CHRM3: variants seen among roughly 807,000 people sequenced by gnomAD.
CHRM3 encodes the protein muscarinic acetylcholine receptor M3.
CHRM3 carries 11 observed loss-of-function variants against 41.8 expected under a neutral mutation model. That is an observed-to-expected ratio of 0.26 (90% CI 0.17 to 0.44). The LOEUF (loss-of-function observed/expected upper bound fraction) is 0.44. CHRM3 is among the 20% of genes least tolerant of loss of function. The pLI, the probability that CHRM3 is intolerant of heterozygous loss-of-function variation, is 1.00. For missense variants in CHRM3, 571 were observed against 745.4 expected, an observed-to-expected ratio of 0.77 and a Z score of 2.72; for synonymous variants, 297 against 301.4, an observed-to-expected ratio of 0.99 and a Z score of 0.15.
chr1:239,424,691 G>C (rs1258163667), intron 1 of CHRM3, among the ~76,000 whole-genome samples: 1 of 152,198 alleles, frequency 6.6e-6, no homozygotes, highest in African/African-American at 2.4e-5. Context: ...GAAATTAGTG[G>C]AGAGCATTTC....
intron 5 of CHRM3, among the ~76,000 whole-genome samples, chr1:239,734,962 CATAGCATGTATTCATTTGAAAT>C (rs1278646269): frequency 6.6e-6 from 1 of 152,054 alleles, no homozygotes; most frequent in Admixed American, 6.6e-5. Context: ...CTTCCTATTC[CATAGCATGTATTCATTTGAAAT>C]ATAGGGCATT....
At chr1:239,407,419 G>T (rs10925878) in intron 1 of CHRM3, among the ~76,000 whole-genome samples, 88,494 of 122,258 alleles carry the variant, frequency 0.72, 28,985 homozygotes, top group South Asian at 0.77. Flanking sequence ...TATATATATA[G>T]AGAGAGAGAG....
intron 6 of CHRM3, among the ~76,000 whole-genome samples, chr1:239,886,804 G>C (rs909896802): frequency 8.5e-5 from 13 of 152,130 alleles, no homozygotes; most frequent in Non-Finnish European, 1.8e-4. Context: ...TTCCAGCCCG[G>C]TTCCAAAGAG....
At chr1:239,700,667 G>A (rs900205834) in intron 5 of CHRM3, among the ~76,000 whole-genome samples, 9 of 152,170 alleles carry the variant, frequency 5.9e-5, no homozygotes, top group African/African-American at 1.4e-4. Flanking sequence ...AGACAGTCAT[G>A]CACCTGTAGC....
At chr1:239,495,451 C>T (rs1558266179) in intron 2 of CHRM3, among the ~76,000 whole-genome samples, 1 of 152,204 alleles carries the variant, frequency 6.6e-6, no homozygotes, top group Non-Finnish European at 1.5e-5. Flanking sequence ...AATTCAGCTA[C>T]CTCTTCTTTG....
At position 239,677,661 on chromosome 1, in the gene CHRM3, C is replaced by CA. The variant is rs142170469; in HGVS notation, c.-249-524dup. 4.1e-3 allele frequency among the ~76,000 whole-genome samples: 621 copies of CA among 152,318 alleles called. 4 individuals carry two copies. The highest frequency in any genetic ancestry group is 0.014 in the African/African-American group (601 of 41,574). On this transcript the variant is annotated intron_variant, in intron 4 of 6. Coordinates refer to ENST00000676153, the MANE Select transcript of CHRM3 (RefSeq NM_001375978.1). ...GTCAACGTTTTGTACAGCATTCTCC[C>CA]ACCCATGAGGTCACAGCCCTCATAG...
intron 3 of CHRM3, among the ~76,000 whole-genome samples, chr1:239,548,720 A>G (rs1659523703): frequency 6.6e-6 from 1 of 152,164 alleles, no homozygotes; most frequent in Non-Finnish European, 1.5e-5. Flanking sequence ...CCTGGGTGAG[A>G]GATGCCCATG....
intron 5 of CHRM3, among the ~76,000 whole-genome samples, chr1:239,765,075 A>G (rs187681394): frequency 6.3e-4 from 96 of 152,342 alleles, no homozygotes; most frequent in Non-Finnish European, 8.4e-4. Context: ...AAGGAGCCTC[A>G]GGGGTTATTA....
intron 5 of CHRM3, among the ~76,000 whole-genome samples, chr1:239,752,295 T>C (rs908364711): frequency 6.6e-6 from 1 of 152,182 alleles, no homozygotes; most frequent in Non-Finnish European, 1.5e-5. Flanking sequence ...GGAAAAAGAC[T>C]GTAGTTAGGC....
At position 239,908,061 on chromosome 1, in the gene CHRM3, A is replaced by G; in HGVS notation, c.610A>G (p.Ile204Val). The change falls in exon 7 of 7, where the codon ATC (isoleucine) becomes GTC (valine). Residue 204 changes from isoleucine (I) to valine (V), a missense_variant. This residue lies in a region of CHRM3 where 153 missense variants were observed against 296.3 expected (regional missense o/e 0.52). Coordinates refer to ENST00000676153, the MANE Select transcript of CHRM3 (RefSeq NM_001375978.1). The surrounding 1 kb of genome is among the most constrained non-coding windows in gnomAD (Gnocchi z 7.2). ...VISFVLWAPAILFWQYFVGKR... is the reference protein window; with the variant it reads ...VISFVLWAPAVLFWQYFVGKR... ...CTCCTTTGTCCTTTGGGCTCCTGCC[A>G]TCTTGTTCTGGCAATACTTTGTTGG... 1 of 1,614,180 alleles carries G rather than the reference A, an allele frequency of 6.2e-7. No individual in the cohort carries two copies. The highest frequency in any genetic ancestry group is 8.5e-7 in the Non-Finnish European group (1 of 1,180,048).
intron 5 of CHRM3, among the ~76,000 whole-genome samples, chr1:239,752,378 G>C (rs891149732): frequency 2.5e-4 from 38 of 152,326 alleles, no homozygotes; most frequent in Non-Finnish European, 1.0e-4. Context: ...CTCTAAGAGA[G>C]ATTGCCAGAG....
chr1:239,456,373 ATACACAAGTACTTACCATTGTGT>A (rs1664937431), intron 1 of CHRM3, among the ~76,000 whole-genome samples: 1 of 152,166 alleles, frequency 6.6e-6, no homozygotes, highest in South Asian at 2.1e-4. Context: ...CTATGTTTAG[ATACACAAGTACTTACCATTGTGT>A]TACAGTTACC....
intron 5 of CHRM3, among the ~76,000 whole-genome samples, chr1:239,787,210 A>G (rs1278095299): frequency 1.3e-5 from 2 of 152,216 alleles, no homozygotes; most frequent in African/African-American, 2.4e-5. Context: ...GAAGTCTGCA[A>G]TGCCAGAGTC....
intron 2 of CHRM3, among the ~76,000 whole-genome samples, chr1:239,514,926 A>C (rs996081343): frequency 2.4e-4 from 36 of 152,274 alleles, no homozygotes; most frequent in African/African-American, 8.7e-4. Flanking sequence ...GGACTCTCTC[A>C]ATGCATCATG....
chr1:239,493,290 C>T (rs1271708622), intron 2 of CHRM3, among the ~76,000 whole-genome samples: 1 of 152,088 alleles, frequency 6.6e-6, no homozygotes, highest in African/African-American at 2.4e-5. Context: ...GGCAGGTCTC[C>T]AGGATCTATC....
At chr1:239,882,777 G>A (rs1677751830) in intron 6 of CHRM3, among the ~76,000 whole-genome samples, 3 of 152,352 alleles carry the variant, frequency 2.0e-5, no homozygotes, top group South Asian at 2.1e-4. Flanking sequence ...ACGTGACCTA[G>A]TGTTTTGTCA....
intron 5 of CHRM3, among the ~76,000 whole-genome samples, chr1:239,733,251 T>C (rs1262103626): frequency 1.3e-5 from 2 of 152,006 alleles, no homozygotes; most frequent in Non-Finnish European, 2.9e-5. Flanking sequence ...CAACCAGCCA[T>C]GAGCCAAAGT....
chr1:239,463,531 C>A (rs2147892956), intron 1 of CHRM3, among the ~76,000 whole-genome samples: 1 of 152,122 alleles, frequency 6.6e-6, no homozygotes, highest in South Asian at 2.1e-4. Context: ...TTTTTTATTT[C>A]TTTTTAATGA....
chr1:239,432,392 A>G (rs1339930288), intron 1 of CHRM3, among the ~76,000 whole-genome samples: 1 of 152,240 alleles, frequency 6.6e-6, no homozygotes, highest in Non-Finnish European at 1.5e-5. Flanking sequence ...ATTGATATTG[A>G]AACATATTGA....
Sources: allele counts gnomAD v4.1 joint callset (sites outside exome capture counted in the v4.1 genomes callset), GRCh38; gene constraint gnomAD v4.1.1; regional missense constraint gnomAD v4.1.1; non-coding constraint Gnocchi (gnomAD v3.1); transcripts MANE v1.5; gene names NCBI Gene and HGNC (gene_info 2026-07-23, HGNC 2026-07-21).